Variants in RHEB observed in about 807,000 individuals in gnomAD.
RHEB encodes the protein Ras homolog, mTORC1 binding, also known as GTP-binding protein Rheb.
RHEB carries 2 observed loss-of-function variants against 28.8 expected under a neutral mutation model. That is an observed-to-expected ratio of 0.07 (90% confidence interval 0.03 to 0.22). The LOEUF (loss-of-function observed/expected upper bound fraction) is 0.22. Among genes scored for constraint, RHEB ranks in the 10% least tolerant of loss-of-function variants. The pLI is 1.00. For synonymous variants in RHEB, 69 were observed against 77.3 expected (o/e 0.89, Z 0.56); for missense variants, 76 against 219.9 (o/e 0.35, Z 4.14).
At position 151,519,812 on chromosome 7, in the gene RHEB, G is replaced by C. The variant is rs373323669; in HGVS notation, c.-301C>G. Reference sequence around the variant, plus strand: ...TACGCGGGGGGTGCGTCGGGGCGACGTTTTACTTTAAAGGCAAAAAAAGGG... The same window carrying C: ...TACGCGGGGGGTGCGTCGGGGCGACCTTTTACTTTAAAGGCAAAAAAAGGG... On this transcript the variant is annotated 5_prime_UTR_variant, in exon 1 of 8. Coordinates refer to ENST00000262187, the MANE Select transcript of RHEB (RefSeq NM_005614.4). 3.5e-6 allele frequency: 1 copy of C among 285,726 alleles called. No homozygotes were observed. Among genetic ancestry groups the C allele is most frequent in the Non-Finnish European group, 6.5e-6 (1 of 153,550 alleles). 17.7% of individuals were successfully genotyped at this position (285,726 alleles called of 1,614,324 possible).
chr7:151,494,772 G>A (rs36102070), intron 1 of RHEB, among the ~76,000 whole-genome samples: 2,143 of 152,278 alleles, frequency 0.014, 23 homozygotes, highest in Non-Finnish European at 0.023. Flanking sequence ...GGGCTCTCCC[G>A]CCAAGGTGAG....
At chr7:151,511,795 C>A (rs371932209) in intron 1 of RHEB, among the ~76,000 whole-genome samples, 2 of 151,980 alleles carry the variant, frequency 1.3e-5, no homozygotes, top group Non-Finnish European at 1.5e-5. Flanking sequence ...GGATTACAGG[C>A]GCCCACCACC....
At chr7:151,481,361 C>T (rs1198697558) in intron 3 of RHEB, among the ~76,000 whole-genome samples, 3 of 152,290 alleles carry the variant, frequency 2.0e-5, no homozygotes, top group Admixed American at 1.3e-4. Context: ...TAACAAATAC[C>T]GCTATGCAGC....
intron 4 of RHEB, among the ~76,000 whole-genome samples, chr7:151,475,278 A>C (rs1257445653): frequency 6.6e-6 from 1 of 152,370 alleles, no homozygotes. Flanking sequence ...GAGACTTAAA[A>C]AAAATCAGTG....
chr7:151,470,286 A>G lies in RHEB; in HGVS notation c.462+285T>C, dbSNP rs1802139728. On this transcript the variant is annotated intron_variant, in intron 7 of 7. Coordinates refer to ENST00000262187, the MANE Select transcript of RHEB (RefSeq NM_005614.4). Reference sequence around the variant, plus strand: ...GGACTTATTTCTGTACCAGCTATTAATACAAACCAAAAATATATGTTTACA... The same window carrying G: ...GGACTTATTTCTGTACCAGCTATTAGTACAAACCAAAAATATATGTTTACA... 2.3e-5 allele frequency: 5 copies of G among 214,194 alleles called. No individual in the cohort carries two copies. In the South Asian group the frequency reaches 6.6e-4, roughly 28 times the overall value. 13.3% of individuals were successfully genotyped at this position (214,194 alleles called of 1,614,324 possible). A position where few individuals can be genotyped will look rare whatever the true frequency, so the allele number is the denominator to read the frequency against.
intron 2 of RHEB, among the ~76,000 whole-genome samples, chr7:151,485,047 A>G (rs538047907): frequency 2.4e-4 from 37 of 152,352 alleles, no homozygotes; most frequent in African/African-American, 8.9e-4. Context: ...TCAAAGAGAC[A>G]AAGTACGCAA....
chr7:151,489,307 A>G (rs1207931442), intron 2 of RHEB, among the ~76,000 whole-genome samples: 5 of 152,232 alleles, frequency 3.3e-5, no homozygotes, highest in African/African-American at 1.2e-4. Flanking sequence ...CAGTGGACAG[A>G]AAACCGAGCT....
At chr7:151,507,760 T>C (rs148348856) in intron 1 of RHEB, among the ~76,000 whole-genome samples, 8 of 152,292 alleles carry the variant, frequency 5.3e-5, no homozygotes, top group East Asian at 3.9e-4. Context: ...AACTAGTTCA[T>C]AAAAATACCC....
intron 1 of RHEB, among the ~76,000 whole-genome samples, chr7:151,517,510 A>G (rs1189909348): frequency 1.3e-5 from 2 of 152,104 alleles, no homozygotes; most frequent in African/African-American, 2.4e-5. Context: ...GACAGAAAAT[A>G]GGGACTAAAA....
chr7:151,474,485 A>G (rs1309784449), intron 4 of RHEB, among the ~76,000 whole-genome samples: 4 of 152,142 alleles, frequency 2.6e-5, no homozygotes, highest in Non-Finnish European at 4.4e-5. Flanking sequence ...CTGGCCCTTA[A>G]CTAATGTTTT....
At chr7:151,501,761 A>C (rs1008333069) in intron 1 of RHEB, 1 of 244,336 alleles carries the variant, frequency 4.1e-6, no homozygotes, top group Non-Finnish European at 8.2e-6. Flanking sequence ...AGGAAGTGAC[A>C]TCACGGGCCC....
intron 3 of RHEB, among the ~76,000 whole-genome samples, chr7:151,484,482 G>T (rs1802432450): frequency 6.6e-6 from 1 of 151,998 alleles, no homozygotes; most frequent in Admixed American, 6.6e-5. Context: ...CTTATGATGG[G>T]GTTACATCGT....
intron 7 of RHEB, among the ~76,000 whole-genome samples, chr7:151,469,141 G>A (rs544878894): frequency 9.5e-4 from 145 of 152,222 alleles, no homozygotes; most frequent in African/African-American, 3.4e-3. Context: ...TCTGGAACTT[G>A]GGAACGAATT....
rs1286946168 is a variant in RHEB at position 151,468,866 on chromosome 7, T to C, written c.463-1655A>G. Among the ~76,000 whole-genome samples, 2 of 151,564 alleles carry C rather than the reference T, an allele frequency of 1.3e-5. No homozygotes were observed. The highest frequency in any genetic ancestry group is 2.9e-5 in the Non-Finnish European group (2 of 67,866). The stretch of plus-strand genomic sequence containing the variant: ...TGTGTAGAGAAAAAAGGACTAGATG[T>C]GGATGAGATCTACAATTCAGTCCTA... On this transcript the variant is annotated intron_variant, in intron 7 of 7. Coordinates refer to ENST00000262187, the MANE Select transcript of RHEB (RefSeq NM_005614.4). The surrounding 1 kb of genome is among the most constrained non-coding windows in gnomAD (Gnocchi z 4.3).
intron 7 of RHEB, among the ~76,000 whole-genome samples, chr7:151,469,187 C>T (rs1357847062): frequency 3.3e-5 from 5 of 152,164 alleles, no homozygotes; most frequent in Non-Finnish European, 5.9e-5. Context: ...TTCATCCGCA[C>T]ATAAGAGGAC....
At chr7:151,500,839 C>T (rs2150933977) in intron 1 of RHEB, among the ~76,000 whole-genome samples, 1 of 152,084 alleles carries the variant, frequency 6.6e-6, no homozygotes. Context: ...AAAAAATGAG[C>T]CAGGTGTGGT....
intron 1 of RHEB, among the ~76,000 whole-genome samples, chr7:151,504,244 G>A (rs1802827227): frequency 1.3e-5 from 2 of 152,276 alleles, no homozygotes; most frequent in South Asian, 4.1e-4. Flanking sequence ...CTCGAAACCA[G>A]TTTGGGTTGG....
intron 2 of RHEB, among the ~76,000 whole-genome samples, chr7:151,490,307 A>G (rs1376990691): frequency 1.3e-5 from 2 of 152,250 alleles, no homozygotes; most frequent in Admixed American, 1.3e-4. Flanking sequence ...AAATAGTCTC[A>G]TGGTCCTAGA....
chr7:151,502,222 C>T (rs893897316), intron 1 of RHEB: 2 of 460,784 alleles, frequency 4.3e-6, no homozygotes, highest in Non-Finnish European at 3.8e-6. Context: ...GGCGACAGAG[C>T]TGTCTCAAAA....
Sources: gnomAD v4.1 joint callset for allele counts (sites outside exome capture counted in the v4.1 genomes callset) on GRCh38, gnomAD v4.1.1 for gene constraint, Gnocchi (gnomAD v3.1) non-coding constraint, MANE v1.5 for transcripts, NCBI Gene and HGNC (gene_info 2026-07-23, HGNC 2026-07-21) for gene names.